STIL: variants seen among roughly 807,000 people sequenced by gnomAD.
STIL encodes the protein STIL centriolar assembly protein, also known as SCL-interrupting locus protein.
In STIL, 55 loss-of-function variants were observed where a neutral mutation model predicts 110.1. The ratio of observed to expected loss-of-function variants is 0.50; its 90% CI spans 0.40 to 0.63. STIL has a LOEUF of 0.63. Among genes scored for constraint, STIL ranks in the 20% least tolerant of loss-of-function variants. The pLI is 0.00. For missense variants in STIL, 1,358 were observed against 1,530.0 expected, an observed-to-expected ratio of 0.89 and a Z score of 1.87; for synonymous variants, 481 against 530.0, an observed-to-expected ratio of 0.91 and a Z score of 1.27.
At chr1:47,254,396 C>T (rs1644271025) in intron 16 of STIL, among the ~76,000 whole-genome samples, 1 of 152,004 alleles carries the variant, frequency 6.6e-6, no homozygotes, top group African/African-American at 2.4e-5. Context: ...AGTGACAATA[C>T]TTTTGGAAGT....
In STIL at chr1:47,302,303, A is replaced by G. The variant is rs761410037; in HGVS notation, c.196T>C (p.Tyr66His). 8 of 1,614,166 alleles carry G rather than the reference A, an allele frequency of 5.0e-6. No homozygotes were observed. The East Asian group carries it at 8.9e-5, about 18-fold the overall frequency. Reference sequence around the variant, plus strand: ...TTTTTATTCTGCTTAGCATGACGATAAGCAAGTCGGATGGTCTTCTCAGTC... The same window carrying G: ...TTTTTATTCTGCTTAGCATGACGATGAGCAAGTCGGATGGTCTTCTCAGTC... ...VVTEKTIRLA[Y>H]RHAKQNKKNS... The change falls in exon 4 of 17, where the codon TAT becomes CAT. Residue 66 changes from tyrosine to histidine, a missense_variant. Transcript: ENST00000371877.
chr1:47,287,471 A>G (rs1645336690), intron 10 of STIL, 80 bp downstream of exon 10: 4 of 878,764 alleles, frequency 4.6e-6, no homozygotes, highest in Admixed American at 2.7e-5. Context: ...ATCAGAAATA[A>G]TTTAGTTATT....
In STIL at chr1:47,271,651, A is replaced by G. The variant is rs1644838385; in HGVS notation, c.2383+425T>C. ...ATTTTATGAAAATAAATTAATACAAACAAGACTGGCTGGACGCGGTGGCTC... is the reference window on the plus strand; with the variant it reads ...ATTTTATGAAAATAAATTAATACAAGCAAGACTGGCTGGACGCGGTGGCTC... On this transcript the variant is annotated intron_variant, in intron 13 of 16. Coordinates refer to ENST00000371877, the MANE Select transcript of STIL (RefSeq NM_001048166.1). 2.0e-5 allele frequency among the ~76,000 whole-genome samples: 3 copies of G among 151,934 alleles called. No individual in the cohort carries two copies. In the South Asian group the frequency reaches 6.2e-4, roughly 32 times the overall value.
intron 2 of STIL, among the ~76,000 whole-genome samples, chr1:47,306,076 C>G (rs565838781): frequency 6.6e-6 from 1 of 152,010 alleles, no homozygotes; most frequent in African/African-American, 2.4e-5. Flanking sequence ...AACTCTACTA[C>G]CAGGAGAATA....
At chr1:47,310,147 G>T in intron 2 of STIL, 129 bp downstream of exon 2, 1 of 774,078 alleles carries the variant, frequency 1.3e-6, no homozygotes, top group Non-Finnish European at 2.1e-6. Flanking sequence ...CACCTAACAA[G>T]TGGTAGAGCT....
intron 12 of STIL, among the ~76,000 whole-genome samples, chr1:47,278,769 C>G (rs1645061832): frequency 6.6e-6 from 1 of 151,450 alleles, no homozygotes; most frequent in Admixed American, 6.6e-5. Context: ...AGTTCAAGAC[C>G]AGTCTGGGCA....
chr1:47,287,343 T>C (rs1212407738), intron 10 of STIL, among the ~76,000 whole-genome samples: 1 of 152,168 alleles, frequency 6.6e-6, no homozygotes, highest in African/African-American at 2.4e-5. Context: ...TCAACCCAAA[T>C]GAAAACCATA....
chr1:47,311,279 TTTTC>T, intron 1 of STIL, among the ~76,000 whole-genome samples: 1 of 148,028 alleles, frequency 6.8e-6, no homozygotes, highest in Admixed American at 6.6e-5. Context: ...TCTTTTCTTT[TTTTC>T]TTTTTTTTTT....
intron 2 of STIL, among the ~76,000 whole-genome samples, chr1:47,308,508 G>A (rs1277953659): frequency 6.6e-6 from 1 of 151,984 alleles, no homozygotes; most frequent in Non-Finnish European, 1.5e-5. Context: ...AATAAGCCAG[G>A]AGCAGAAATA....
At chr1:47,260,597 G>T in intron 15 of STIL, 58 bp from the exon 16 acceptor site, 5 of 1,568,202 alleles carry the variant, frequency 3.2e-6, no homozygotes, top group Non-Finnish European at 4.4e-6. Context: ...TTAGGGCTGG[G>T]TGTGGTGGTT....
chr1:47,278,384 AATACT>A (rs1343829491), intron 12 of STIL, among the ~76,000 whole-genome samples: 2 of 152,240 alleles, frequency 1.3e-5, no homozygotes, highest in African/African-American at 2.4e-5. Flanking sequence ...ATATAAGGAA[AATACT>A]ATATGTATTT....
At position 47,282,436 on chromosome 1, in the gene STIL, C is replaced by T; in HGVS notation, c.1157G>A (p.Gly386Glu). ...IKRSSQKLSS[G>E]KMPIHDHDSG... The stretch of plus-strand genomic sequence containing the variant: ...GTCGTGATCATGTATTGGCATCTTC[C>T]CAGAAGATAACTTTTGGGAAGACCT... Residue 386 changes from glycine to glutamate, a missense_variant, in exon 11 of 17, where the codon GGG becomes GAG. Physicochemically the swap from Gly to Glu is moderately conservative, Grantham distance 98. Coordinates refer to ENST00000371877, the MANE Select transcript of STIL (RefSeq NM_001048166.1). 6.2e-7 allele frequency: 1 copy of T among 1,612,618 alleles called. No individual in the cohort carries two copies. Among genetic ancestry groups the T allele is most frequent in the South Asian group, 1.1e-5 (1 of 91,046 alleles).
chr1:47,287,786 T>G (rs1645348701), intron 9 of STIL, 126 bp from the exon 10 acceptor site: 3 of 758,952 alleles, frequency 4.0e-6, no homozygotes, highest in Non-Finnish European at 6.8e-6. Flanking sequence ...TCTGTAACCC[T>G]CTTTTGTAAA....
chr1:47,284,280 G>A (rs894092592), intron 10 of STIL, among the ~76,000 whole-genome samples: 9 of 152,170 alleles, frequency 5.9e-5, no homozygotes, highest in Non-Finnish European at 1.3e-4. Flanking sequence ...CTTTAGGAGA[G>A]ACAAACATTT....
At chr1:47,273,744 A>G (rs1644907304) in intron 12 of STIL, among the ~76,000 whole-genome samples, 2 of 152,140 alleles carry the variant, frequency 1.3e-5, no homozygotes, top group African/African-American at 2.4e-5. Context: ...CTTTGTAAAC[A>G]CTATGATTTT....
intron 16 of STIL, 119 bp from the exon 17 acceptor site, chr1:47,252,041 T>C: frequency 3.0e-6 from 3 of 1,012,672 alleles, no homozygotes; most frequent in Non-Finnish European, 4.2e-6. Context: ...ATGGTCCTTT[T>C]ATCTAACTAC....
chr1:47,290,431 C>T (rs370666120), intron 8 of STIL, among the ~76,000 whole-genome samples: 3 of 152,242 alleles, frequency 2.0e-5, no homozygotes, highest in African/African-American at 7.2e-5. Context: ...ACAGGCCGGG[C>T]GCAGTGGCTC....
intron 12 of STIL, among the ~76,000 whole-genome samples, chr1:47,273,149 T>C (rs1191800667): frequency 6.6e-6 from 1 of 152,202 alleles, no homozygotes; most frequent in Admixed American, 6.5e-5. Flanking sequence ...AACTAACAAG[T>C]AGCAAATCTG....
chr1:47,292,211 A>G (rs946417287), intron 8 of STIL, among the ~76,000 whole-genome samples: 2 of 151,966 alleles, frequency 1.3e-5, no homozygotes, highest in Non-Finnish European at 2.9e-5. Context: ...CAGTACTGTG[A>G]ACATAATAGA....
Sources: gnomAD v4.1 joint callset for allele counts (sites outside exome capture counted in the v4.1 genomes callset) on GRCh38, gnomAD v4.1.1 for gene constraint, MANE v1.5 for transcripts, NCBI Gene and HGNC (gene_info 2026-07-23, HGNC 2026-07-21) for gene names.